Variants in SMARCB1 observed in about 807,000 individuals in gnomAD.
The protein encoded by SMARCB1 is SWI/SNF-related matrix-associated actin-dependent regulator of chromatin subfamily B member 1.
A neutral mutation model predicts 49.0 loss-of-function variants in SMARCB1; 5 were observed. That is an observed-to-expected ratio of 0.10 (90% CI 0.05 to 0.21). SMARCB1 has a LOEUF of 0.21. Among genes scored for constraint, SMARCB1 ranks in the 10% least tolerant of loss-of-function variants. The pLI is 1.00. For missense variants in SMARCB1, 226 were observed against 509.2 expected, an observed-to-expected ratio of 0.44 and a Z score of 5.35; for synonymous variants, 201 against 200.1, an observed-to-expected ratio of 1.00 and a Z score of -0.04.
chr22:23,788,549 G>T (rs1928163412), intron 1 of SMARCB1, among the ~76,000 whole-genome samples: 1 of 151,924 alleles, frequency 6.6e-6, no homozygotes, highest in African/African-American at 2.4e-5. Flanking sequence ...GGGACTACAG[G>T]TGTGCACCAC....
At chr22:23,802,587 A>G (rs181438907) in intron 4 of SMARCB1, 1 of 159,682 alleles carries the variant, frequency 6.3e-6, no homozygotes, top group Non-Finnish European at 1.4e-5. Context: ...CCTGGCACTC[A>G]GCTCACTTTT....
chr22:23,801,258 T>C (rs1386347993), intron 4 of SMARCB1, 177 bp downstream of exon 4: 1 of 907,716 alleles, frequency 1.1e-6, no homozygotes, highest in Admixed American at 2.0e-5. Flanking sequence ...ACATTGTCCA[T>C]AGCCTCCTTG....
intron 7 of SMARCB1, among the ~76,000 whole-genome samples, chr22:23,829,498 G>A (rs1348939238): frequency 6.6e-6 from 1 of 152,178 alleles, no homozygotes; most frequent in East Asian, 1.9e-4. Flanking sequence ...CTTGGTAGCT[G>A]GGCCTGCATG....
At chr22:23,808,681 G>A (rs1171589523) in intron 5 of SMARCB1, among the ~76,000 whole-genome samples, 2 of 151,492 alleles carry the variant, frequency 1.3e-5, no homozygotes, top group African/African-American at 4.9e-5. Context: ...GTTCAGGAAT[G>A]AACGATATTG....
chr22:23,790,020 C>A (rs1928276814), intron 1 of SMARCB1, among the ~76,000 whole-genome samples: 1 of 152,116 alleles, frequency 6.6e-6, no homozygotes. Context: ...CTTTGAGGAC[C>A]CTAACAGATC....
chr22:23,831,653 A>C (rs2030661537), intron 7 of SMARCB1, among the ~76,000 whole-genome samples: 1 of 152,184 alleles, frequency 6.6e-6, no homozygotes, highest in African/African-American at 2.4e-5. Flanking sequence ...TCCCAGCATC[A>C]AGGGGAGGTA....
Position 23,834,473 on chromosome 22 carries a change from C to T in SMARCB1, c.*293C>T, listed in dbSNP as rs754865420. On this transcript the variant is annotated 3_prime_UTR_variant, in exon 9 of 9. Coordinates refer to ENST00000644036, the MANE Select transcript of SMARCB1 (RefSeq NM_003073.5). ...TAGGAGCCCCAGGCAGGGCTAGTAA[C>T]AGTTTTTAAATAAAAGGCAACAGGT... The T allele has an allele frequency of 5.9e-4, 389 of 659,870 alleles. 4 individuals are homozygous for T. The highest frequency in any genetic ancestry group is 2.4e-4 in the Middle Eastern group (1 of 4,098). 40.9% of individuals were successfully genotyped at this position (659,870 alleles called of 1,614,324 possible).
In SMARCB1 at chr22:23,837,243, T is replaced by C. The variant is rs1269029111; in HGVS notation, c.*3063T>C. 4.6e-6 allele frequency: 7 copies of C among 1,505,932 alleles called. No homozygotes were observed. Among genetic ancestry groups the C allele is most frequent in the Non-Finnish European group, 5.4e-6 (6 of 1,109,048 alleles). The allele number at this position is 1,505,932 out of a possible 1,614,324, so 93.3% of individuals were successfully genotyped here. ...CTGCCCCAGGCCCCCATCCACAGCC[T>C]GGTGGCCCTGCAGGCCCCACAGCAT... On this transcript the variant is annotated 3_prime_UTR_variant, in exon 9 of 9. Coordinates refer to ENST00000644036, the MANE Select transcript of SMARCB1 (RefSeq NM_003073.5).
chr22:23,821,001 T>C (rs2030056113), intron 6 of SMARCB1, among the ~76,000 whole-genome samples: 1 of 152,236 alleles, frequency 6.6e-6, no homozygotes, highest in African/African-American at 2.4e-5. Context: ...TTTCTCAGAA[T>C]TGAGCCCATT....
At chr22:23,792,232 T>A (rs577750131) in intron 2 of SMARCB1, 2 of 366,990 alleles carry the variant, frequency 5.4e-6, no homozygotes, top group East Asian at 1.4e-4. Flanking sequence ...CATAATCATC[T>A]TCCATGCAGC....
chr22:23,835,323 CA>C lies in SMARCB1; in HGVS notation c.*1144del. 1 of 1,020,604 alleles carries C rather than the reference CA, an allele frequency of 9.8e-7. No homozygotes were observed. The highest frequency in any genetic ancestry group is 1.2e-6 in the Non-Finnish European group (1 of 854,044). The allele number at this position is 1,020,604 out of a possible 1,614,324, so 63.2% of individuals were successfully genotyped here. On this transcript the variant is annotated 3_prime_UTR_variant, in exon 9 of 9. Transcript: ENST00000644036. The stretch of plus-strand genomic sequence containing the variant: ...CTCCAGCCTTACTGAAGAGAATGGG[CA>C]CAGATCCGGGCACAGATCCCAGCAC...
At chr22:23,827,788 C>A (rs1048739830) in intron 7 of SMARCB1, among the ~76,000 whole-genome samples, 5 of 152,146 alleles carry the variant, frequency 3.3e-5, no homozygotes, top group Admixed American at 6.5e-5. Context: ...AAGGATAGGA[C>A]AGGGCCTTAG....
chr22:23,797,000 C>CTTTT (rs1166157626), intron 3 of SMARCB1, among the ~76,000 whole-genome samples: 2 of 135,396 alleles, frequency 1.5e-5, no homozygotes, highest in African/African-American at 2.8e-5. Flanking sequence ...GGTTGTTTTT[C>CTTTT]TTTTTTTTTT....
intron 5 of SMARCB1, among the ~76,000 whole-genome samples, chr22:23,810,016 A>G (rs149767271): frequency 0.042 from 6,349 of 150,964 alleles, 414 homozygotes; most frequent in African/African-American, 0.15. Context: ...TAAAAATACA[A>G]AAACAATTAG....
intron 6 of SMARCB1, chr22:23,817,350 C>T: frequency 3.4e-6 from 1 of 294,734 alleles, no homozygotes; most frequent in African/African-American, 2.1e-5. Context: ...TGCAAACTGG[C>T]CAGTTGAGAA....
intron 4 of SMARCB1, chr22:23,802,061 C>G (rs927624035): frequency 6.4e-6 from 1 of 155,100 alleles, no homozygotes; most frequent in African/African-American, 2.4e-5. Flanking sequence ...CCCCACTGCT[C>G]TCCCTGGGGT....
At chr22:23,795,647 A>G (rs1928695354) in intron 3 of SMARCB1, among the ~76,000 whole-genome samples, 1 of 151,898 alleles carries the variant, frequency 6.6e-6, no homozygotes, top group East Asian at 1.9e-4. Context: ...CGAGAGTGAA[A>G]CTCCATCTCA....
Position 23,803,921 on chromosome 22 carries a change from C to T in SMARCB1, c.628+499C>T, listed in dbSNP as rs530628788. Reference sequence around the variant, plus strand: ...GGGCTTCCAAAGCCTGGACAGAACTCGGTCTTTGTGCAAATGTAGACAGAA... The same window carrying T: ...GGGCTTCCAAAGCCTGGACAGAACTTGGTCTTTGTGCAAATGTAGACAGAA... On this transcript the variant is annotated intron_variant, in intron 5 of 8. Transcript: ENST00000644036. The T allele has an allele frequency of 4.0e-4, 90 of 222,492 alleles. No individual in the cohort carries two copies. The South Asian group carries it at 5.2e-3, about 13-fold the overall frequency. The allele number at this position is 222,492 out of a possible 1,614,324, so 13.8% of individuals were successfully genotyped here.
intron 3 of SMARCB1, among the ~76,000 whole-genome samples, chr22:23,795,852 A>G (rs1203442190): frequency 1.4e-5 from 2 of 140,850 alleles, no homozygotes; most frequent in Non-Finnish European, 3.0e-5. Context: ...GTACGGTGGC[A>G]TGATGTCGGC....
Sources: gnomAD v4.1 joint callset for allele counts (sites outside exome capture counted in the v4.1 genomes callset) on GRCh38, gnomAD v4.1.1 for gene constraint, MANE v1.5 for transcripts, NCBI Gene and HGNC (gene_info 2026-07-23, HGNC 2026-07-21) for gene names.